The following ASB3 variants were observed in gnomAD, a reference collection of about 807,000 sequenced individuals.
ASB3 encodes ankyrin repeat and SOCS box protein 3.
Under a neutral mutation model 54.5 loss-of-function variants are expected in ASB3, and 41 were observed. The ratio of observed to expected loss-of-function variants is 0.75; its 90% CI spans 0.59 to 0.98. The LOEUF is 0.98. Among genes scored for constraint, ASB3 ranks in the 50% least tolerant of loss-of-function variants. The probability of loss-of-function intolerance (pLI) is 0.00; values close to 1 mark genes in which losing one functional copy is unlikely to be tolerated. For missense variants in ASB3, 733 were observed against 620.0 expected (o/e 1.18, Z -1.94); for synonymous variants, 266 against 221.2 (o/e 1.20, Z -1.80).
chr2:53,723,121 A>C (rs930381169), intron 5 of ASB3, among the ~76,000 whole-genome samples: 7 of 152,212 alleles, frequency 4.6e-5, no homozygotes, highest in African/African-American at 1.4e-4. Context: ...AAACCTGGGA[A>C]TACATCTTAC....
intron 1 of ASB3, among the ~76,000 whole-genome samples, chr2:53,781,878 C>A (rs1674669498): frequency 6.6e-6 from 1 of 152,234 alleles, no homozygotes; most frequent in Non-Finnish European, 1.5e-5. Flanking sequence ...TTATCTCCTA[C>A]AGCCATAATT....
At chr2:53,751,467 C>T (rs1029246343) in intron 2 of ASB3, among the ~76,000 whole-genome samples, 1 of 152,062 alleles carries the variant, frequency 6.6e-6, no homozygotes, top group African/African-American at 2.4e-5. Context: ...GAATAAAATG[C>T]ACTCTAACAC....
intron 2 of ASB3, among the ~76,000 whole-genome samples, chr2:53,755,559 C>T (rs893427458): frequency 2.6e-5 from 4 of 152,148 alleles, no homozygotes; most frequent in African/African-American, 7.2e-5. Flanking sequence ...AAGATTATAT[C>T]GCCACACCAT....
At position 53,670,707 on chromosome 2, in the gene ASB3, A is replaced by G. The variant is rs1667765168; in HGVS notation, c.1370-17T>C. 6.3e-7 allele frequency: 1 copy of G among 1,591,140 alleles called. No individual in the cohort carries two copies. The highest frequency in any genetic ancestry group is 2.2e-5 in the East Asian group (1 of 44,554). The stretch of plus-strand genomic sequence containing the variant: ...GAACAGTGGCTGGAGAAACAAAAAA[A>G]GCAAGGTGAAACTTTTTTAAACAGA... On this transcript the variant is annotated splice_polypyrimidine_tract_variant and intron_variant, in intron 9 of 9. Coordinates refer to ENST00000263634, the MANE Select transcript of ASB3 (RefSeq NM_016115.5).
chr2:53,679,425 T>TC (rs1461488134), intron 9 of ASB3, among the ~76,000 whole-genome samples: 1 of 152,144 alleles, frequency 6.6e-6, no homozygotes, highest in Non-Finnish European at 1.5e-5. Flanking sequence ...GCTTTTTTTT[T>TC]CTGAGCTTCC....
chr2:53,727,592 T>C (rs1027670184), intron 5 of ASB3, among the ~76,000 whole-genome samples: 1 of 152,212 alleles, frequency 6.6e-6, no homozygotes, highest in Non-Finnish European at 1.5e-5. Context: ...GCTGTGATCA[T>C]ACCACTATAC....
At chr2:53,711,866 C>A (rs566033732) in intron 7 of ASB3, among the ~76,000 whole-genome samples, 3 of 151,546 alleles carry the variant, frequency 2.0e-5, no homozygotes, top group Non-Finnish European at 4.4e-5. Flanking sequence ...TGCTTTTGTT[C>A]CTTTGAGAGT....
At chr2:53,721,727 C>T (rs1269347052) in intron 5 of ASB3, among the ~76,000 whole-genome samples, 1 of 152,206 alleles carries the variant, frequency 6.6e-6, no homozygotes, top group Non-Finnish European at 1.5e-5. Flanking sequence ...TAATGCTAAA[C>T]ATCTAGCTCA....
At chr2:53,744,920 T>C (rs1020017953) in intron 3 of ASB3, among the ~76,000 whole-genome samples, 1 of 152,212 alleles carries the variant, frequency 6.6e-6, no homozygotes, top group African/African-American at 2.4e-5. Flanking sequence ...ATTCTGTTCT[T>C]ATTAAATATT....
intron 3 of ASB3, among the ~76,000 whole-genome samples, chr2:53,742,121 G>C (rs753534231): frequency 3.9e-5 from 6 of 152,148 alleles, no homozygotes; most frequent in Non-Finnish European, 5.9e-5. Flanking sequence ...TCCAAAAAAA[G>C]AATCACACAA....
intron 3 of ASB3, among the ~76,000 whole-genome samples, chr2:53,738,676 A>G (rs994297296): frequency 1.3e-5 from 2 of 152,204 alleles, no homozygotes; most frequent in Non-Finnish European, 2.9e-5. Flanking sequence ...GGAAACAGAG[A>G]GCCAGGCGAT....
chr2:53,777,467 A>C (rs1004545319), intron 1 of ASB3, among the ~76,000 whole-genome samples: 2 of 152,042 alleles, frequency 1.3e-5, no homozygotes, highest in Non-Finnish European at 2.9e-5. Context: ...AAATACACAA[A>C]CTCATCAAAT....
intron 7 of ASB3, among the ~76,000 whole-genome samples, chr2:53,707,473 T>C (rs1175355904): frequency 6.6e-6 from 1 of 151,518 alleles, no homozygotes; most frequent in African/African-American, 2.4e-5. Context: ...TGAAACCCCA[T>C]CTCTACTAAA....
chr2:53,730,059 T>C (rs912562745), intron 3 of ASB3, among the ~76,000 whole-genome samples: 3 of 152,220 alleles, frequency 2.0e-5, no homozygotes, highest in African/African-American at 7.2e-5. Context: ...CAAAATGTTC[T>C]TATATCCATC....
chr2:53,786,889 A>T lies in ASB3; in HGVS notation c.-82T>A, dbSNP rs1207873457. Reference sequence around the variant, plus strand: ...CGCGTCTCCAGAGCTGCGTCCCAGAAGCCCCCGCTTTCGATCCCCACCGCG... The same window carrying T: ...CGCGTCTCCAGAGCTGCGTCCCAGATGCCCCCGCTTTCGATCCCCACCGCG... On this transcript the variant is annotated 5_prime_UTR_variant, in exon 1 of 10. Transcript: ENST00000263634. 3.2e-6 allele frequency: 1 copy of T among 314,076 alleles called. No homozygotes were observed. The highest frequency in any genetic ancestry group is 5.6e-5 in the East Asian group (1 of 17,956). The allele number at this position is 314,076 out of a possible 1,614,324, so 19.5% of individuals were successfully genotyped here.
At chr2:53,773,489 G>A (rs908661470) in intron 1 of ASB3, among the ~76,000 whole-genome samples, 1 of 152,128 alleles carries the variant, frequency 6.6e-6, no homozygotes, top group Non-Finnish European at 1.5e-5. Context: ...TGAGTTCAGT[G>A]GCATGATCTC....
intron 8 of ASB3, among the ~76,000 whole-genome samples, chr2:53,695,669 T>C (rs1669144303): frequency 6.6e-6 from 1 of 152,170 alleles, no homozygotes; most frequent in Non-Finnish European, 1.5e-5. Flanking sequence ...ACTAAAAATG[T>C]ATTGTTACTT....
At chr2:53,687,635 A>G (rs1271546658) in intron 9 of ASB3, among the ~76,000 whole-genome samples, 1 of 152,188 alleles carries the variant, frequency 6.6e-6, no homozygotes, top group Non-Finnish European at 1.5e-5. Flanking sequence ...CATATATTTT[A>G]AAAGGCCCAC....
intron 3 of ASB3, among the ~76,000 whole-genome samples, chr2:53,734,020 G>A (rs892789653): frequency 4.6e-5 from 7 of 152,214 alleles, no homozygotes; most frequent in Non-Finnish European, 1.0e-4. Flanking sequence ...GATCGGTCAC[G>A]CTATTGTTTG....
Sources: allele counts gnomAD v4.1 joint callset (sites outside exome capture counted in the v4.1 genomes callset), GRCh38; gene constraint gnomAD v4.1.1; transcripts MANE v1.5; gene names NCBI Gene and HGNC (gene_info 2026-07-23, HGNC 2026-07-21).